The following SCART1 variants were observed in gnomAD, a reference collection of about 807,000 sequenced individuals.
SCART1 encodes the protein scavenger receptor family member expressed on T cells 1.
A neutral mutation model predicts 36.2 loss-of-function variants in SCART1; 62 were observed. The observed-to-expected ratio is 1.71, with a 90% CI of 1.40 to 2.12. SCART1 has a LOEUF of 2.12. Ranked by LOEUF, SCART1 falls within the 30% of genes most tolerant of loss-of-function variation. SCART1 has a pLI of 0.00. For synonymous variants in SCART1, 487 were observed against 238.7 expected, an observed-to-expected ratio of 2.04 and a Z score of -9.59; for missense variants, 1,041 against 540.5, an observed-to-expected ratio of 1.93 and a Z score of -9.18.
At chr10:133,456,688 T>C in intron 2 of SCART1, 134 bp downstream of exon 2, 1 of 584,038 alleles carries the variant, frequency 1.7e-6, no homozygotes, top group East Asian at 2.8e-5. Flanking sequence ...GCTGTGGGTC[T>C]GGAGCTCTCT....
intron 7 of SCART1, 59 bp from the exon 8 acceptor site, chr10:133,465,047 C>A (rs1279282013): frequency 2.8e-6 from 2 of 701,852 alleles, no homozygotes; most frequent in Non-Finnish European, 5.2e-6. Context: ...GGATCCACAG[C>A]CTTCCTTGTG....
At chr10:133,459,706 G>A (rs1031864627) in exon 6 of SCART1, 3 of 700,306 alleles carry the variant, frequency 4.3e-6, no homozygotes, top group East Asian at 2.7e-5. Context: ...AGCCGCGTGC[G>A]CTGTCTGGGC....
chr10:133,455,370 CTG>C (rs1306836164), intron 1 of SCART1, among the ~76,000 whole-genome samples: 2 of 152,068 alleles, frequency 1.3e-5, no homozygotes, highest in East Asian at 1.9e-4. Context: ...TGGATGAAGA[CTG>C]AGAGAGAGGA....
chr10:133,453,966 G>C, exon 1 of SCART1: 1 of 702,958 alleles, frequency 1.4e-6, no homozygotes, highest in Non-Finnish European at 2.6e-6. Flanking sequence ...TAAGCAGCGA[G>C]AGCTTGCTGA....
intron 6 of SCART1, chr10:133,464,272 T>C (rs1850736060): frequency 3.0e-6 from 1 of 332,418 alleles, no homozygotes; most frequent in Admixed American, 4.6e-5. Context: ...GCGGTGAACC[T>C]GGGCGTGCAG....
chr10:133,460,084 A>C (rs898918632), exon 6 of SCART1: 1 of 518,034 alleles, frequency 1.9e-6, no homozygotes, highest in Non-Finnish European at 3.4e-6. Flanking sequence ...TGCCAGGGCC[A>C]CGAGTCTGCG....
chr10:133,465,500 GC>G lies in SCART1; in HGVS notation c.2597del (p.Pro866LeufsTer59). On this transcript the variant is annotated frameshift_variant, in exon 9 of 12. Coordinates refer to ENST00000640237, the Ensembl canonical transcript of SCART1. LOFTEE classifies it high-confidence loss of function. ...GGCAGCGAGGCGTCCCTGTGGGGCT[GC>G]CCTGCGGAGCGGTGGGGACGCGGAG... The G allele has an allele frequency of 1.9e-6, 1 of 522,400 alleles. No homozygotes were observed. The highest frequency in any genetic ancestry group is 3.3e-6 in the Non-Finnish European group (1 of 301,166). The allele number at this position is 522,400 out of a possible 1,614,324, so 32.4% of individuals were successfully genotyped here. A position where few individuals can be genotyped will look rare whatever the true frequency, so the allele number is the denominator to read the frequency against.
exon 6 of SCART1, chr10:133,460,093 C>A: frequency 1.9e-6 from 1 of 519,668 alleles, no homozygotes; most frequent in Non-Finnish European, 3.4e-6. Flanking sequence ...CACGAGTCTG[C>A]GCTGTGGCAG....
intron 1 of SCART1, among the ~76,000 whole-genome samples, chr10:133,455,541 A>C (rs1427336967): frequency 1.3e-5 from 2 of 152,002 alleles, no homozygotes; most frequent in Non-Finnish European, 2.9e-5. Flanking sequence ...AGCACCACCC[A>C]CATGGACTTC....
rs1431837747 is a variant in SCART1 at position 133,463,075 on chromosome 10, C to CTTT, written c.1970-1530_1970-1528dup. ...GTTATTACAGTGCTCCATGGCACAGCTTTAAAGGATTGTCTAACATGCCAT... is the reference window on the plus strand; with the variant it reads ...GTTATTACAGTGCTCCATGGCACAGCTTTTTTAAAGGATTGTCTAACATGCCAT... On this transcript the variant is annotated intron_variant, in intron 6 of 11. Transcript: ENST00000640237. 2.0e-5 allele frequency among the ~76,000 whole-genome samples: 3 copies of CTTT among 152,298 alleles called. No individual in the cohort carries two copies. The South Asian group carries it at 6.2e-4, about 32-fold the overall frequency.
At chr10:133,464,453 TAGTAGCTCTAG>T in intron 6 of SCART1, 142 bp from the exon 7 acceptor site, 1 of 589,224 alleles carries the variant, frequency 1.7e-6, no homozygotes. Flanking sequence ...CTGGATTGTG[TAGTAGCTCTAG>T]TTTAAATTTT....
intron 1 of SCART1, among the ~76,000 whole-genome samples, chr10:133,455,967 G>A (rs1850604307): frequency 6.6e-6 from 1 of 152,074 alleles, no homozygotes; most frequent in Non-Finnish European, 1.5e-5. Flanking sequence ...AGACCCAGGA[G>A]GACAGGGGAC....
chr10:133,457,453 TG>T lies in SCART1; in HGVS notation c.563del (p.Gly188AlafsTer60), dbSNP rs745688661. ...GTGCTCCAGGCCCCCCGCCGGGACG[TG>T]GGCGTCGTCAGGAAGTACCTGGCCT... is the stretch of plus-strand genomic sequence containing the variant. On this transcript the variant is annotated frameshift_variant, in exon 3 of 12. Transcript: ENST00000640237. LOFTEE classifies it high-confidence loss of function. The T allele has an allele frequency of 4.1e-5, 29 of 702,442 alleles. 1 individual carries two copies. In the South Asian group the frequency reaches 4.3e-4, roughly 10 times the overall value. The allele number at this position is 702,442 out of a possible 1,614,324, so 43.5% of individuals were successfully genotyped here.
At chr10:133,453,963 C>T (rs903431019) in exon 1 of SCART1, 19 of 702,784 alleles carry the variant, frequency 2.7e-5, no homozygotes, top group Admixed American at 1.0e-4. Flanking sequence ...AGCTAAGCAG[C>T]GAGAGCTTGC....
At chr10:133,455,752 G>A (rs530490201) in intron 1 of SCART1, among the ~76,000 whole-genome samples, 1 of 152,156 alleles carries the variant, frequency 6.6e-6, no homozygotes, top group Non-Finnish European at 1.5e-5. Context: ...GGCATAGTGG[G>A]AGGGCAGGCA....
exon 4 of SCART1, chr10:133,458,507 C>T (rs1431739159): frequency 5.3e-5 from 36 of 675,078 alleles, no homozygotes; most frequent in Non-Finnish European, 6.4e-5. Context: ...GTCGTGTCCA[C>T]GCCCGAGGGC....
exon 11 of SCART1, chr10:133,467,227 G>A: frequency 1.4e-6 from 1 of 702,468 alleles, no homozygotes; most frequent in Non-Finnish European, 2.6e-6. Context: ...ATCTCCTGGA[G>A]AAGCCATCTA....
intron 3 of SCART1, 26 bp downstream of exon 3, chr10:133,457,601 G>C: frequency 1.5e-6 from 1 of 667,766 alleles, no homozygotes; most frequent in Non-Finnish European, 2.7e-6. Flanking sequence ...GATGTTCCCA[G>C]TGACCCTTGG....
exon 6 of SCART1, chr10:133,459,879 G>C (rs1564834418): frequency 1.8e-6 from 1 of 552,186 alleles, no homozygotes; most frequent in Admixed American, 3.6e-5. Flanking sequence ...TCTCCACAGG[G>C]AGCCTCAGGG....
Sources: allele counts gnomAD v4.1 joint callset (sites outside exome capture counted in the v4.1 genomes callset), GRCh38; gene constraint gnomAD v4.1.1; transcripts MANE v1.5; gene names NCBI Gene and HGNC (gene_info 2026-07-23, HGNC 2026-07-21).